The following ZKSCAN5 variants were observed in gnomAD, a reference collection of about 807,000 sequenced individuals.
The protein encoded by ZKSCAN5 is zinc finger protein with KRAB and SCAN domains 5.
A neutral mutation model predicts 60.0 loss-of-function variants in ZKSCAN5; 28 were observed. The ratio of observed to expected loss-of-function variants is 0.47; its 90% CI spans 0.35 to 0.64. ZKSCAN5 has a LOEUF of 0.64. Ranked by LOEUF, ZKSCAN5 falls within the 30% of genes least tolerant of loss-of-function variation. The probability of loss-of-function intolerance (pLI) is 0.01; values close to 1 mark genes in which losing one functional copy is unlikely to be tolerated. For synonymous variants in ZKSCAN5, 361 were observed against 371.2 expected, an observed-to-expected ratio of 0.97 and a Z score of 0.31; for missense variants, 881 against 1,034.6, an observed-to-expected ratio of 0.85 and a Z score of 2.04.
Position 99,506,210 on chromosome 7 carries a change from T to C in ZKSCAN5, c.166T>C (p.Phe56Leu). The change falls in exon 2 of 7, where the codon TTC (phenylalanine) becomes CTC (leucine). Residue 56 changes from phenylalanine to leucine, a missense_variant. Physicochemically the swap from Phe to Leu is conservative, Grantham distance 22 (BLOSUM62 0). Around this residue, in one of 5 missense-constraint regions of ZKSCAN5, gnomAD observed 53 missense variants for 88.7 expected, o/e 0.60. Coordinates refer to ENST00000326775, the MANE Select transcript of ZKSCAN5 (RefSeq NM_145102.4). Reference protein sequence around the residue: ...FETFYQRFRHFQYHEASGPRE... With the variant: ...FETFYQRFRHLQYHEASGPRE... ...GACTTTTTACCAGCGCTTCAGGCACTTCCAGTACCATGAGGCTTCAGGACC... is the reference window on the plus strand; with the variant it reads ...GACTTTTTACCAGCGCTTCAGGCACCTCCAGTACCATGAGGCTTCAGGACC... 1 of 1,614,210 alleles carries C rather than the reference T, an allele frequency of 6.2e-7. No homozygotes were observed. The highest frequency in any genetic ancestry group is 8.5e-7 in the Non-Finnish European group (1 of 1,180,036).
At chr7:99,521,442 C>T (rs1801536416) in intron 5 of ZKSCAN5, among the ~76,000 whole-genome samples, 1 of 152,140 alleles carries the variant, frequency 6.6e-6, no homozygotes. Flanking sequence ...GTGATCTGCC[C>T]AGCTTGGCCT....
chr7:99,514,524 C>G (rs1344319346), intron 3 of ZKSCAN5, among the ~76,000 whole-genome samples: 2 of 152,164 alleles, frequency 1.3e-5, no homozygotes, highest in Admixed American at 6.6e-5. Context: ...GTAATTCCAG[C>G]ATTTTTGGAG....
Position 99,532,573 on chromosome 7 carries a change from TAG to T in ZKSCAN5, c.*325_*326del, listed in dbSNP as rs1241818110. On this transcript the variant is annotated 3_prime_UTR_variant, in exon 7 of 7. Coordinates refer to ENST00000326775, the MANE Select transcript of ZKSCAN5 (RefSeq NM_145102.4). ...TTCACTTGAAACTCAAAACTGACAC[TAG>T]GAACAGCTTCATGAGTTCAGTAGAA... 3 of 225,214 alleles carry T rather than the reference TAG, an allele frequency of 1.3e-5. No homozygotes were observed. The highest frequency in any genetic ancestry group is 2.6e-5 in the Non-Finnish European group (3 of 115,610). The allele number at this position is 225,214 out of a possible 1,614,324, so 14.0% of individuals were successfully genotyped here.
intron 1 of ZKSCAN5, chr7:99,505,772 T>C (rs1800692933): frequency 1.2e-5 from 4 of 332,604 alleles, no homozygotes; most frequent in Admixed American, 8.6e-5. Flanking sequence ...TGGCTCTCTT[T>C]TACACTTTTA....
rs11419307 is a variant in ZKSCAN5 at position 99,520,454 on chromosome 7, A to ATT, written c.772+159_772+160dup. 3,944 of 784,502 alleles carry ATT rather than the reference A, an allele frequency of 5.0e-3. 46 individuals carry two copies. The African/African-American group carries it at 0.052, about 10-fold the overall frequency. 48.6% of individuals were successfully genotyped at this position (784,502 alleles called of 1,614,324 possible). A position where few individuals can be genotyped will look rare whatever the true frequency, so the allele number is the denominator to read the frequency against. The stretch of plus-strand genomic sequence containing the variant: ...TTTGTAAAAGAATAAATCAGCCTTC[A>ATT]TTTTTTTTTTCTTATTCAGTTTATT... On this transcript the variant is annotated intron_variant, in intron 5 of 6. Transcript: ENST00000326775.
chr7:99,508,302 A>G (rs1584164437), intron 2 of ZKSCAN5, among the ~76,000 whole-genome samples: 1 of 151,964 alleles, frequency 6.6e-6, no homozygotes, highest in Non-Finnish European at 1.5e-5. Context: ...CATCTCAAAA[A>G]AAAAAGTACA....
intron 5 of ZKSCAN5, among the ~76,000 whole-genome samples, chr7:99,524,558 A>G (rs74299668): frequency 0.069 from 10,578 of 152,218 alleles, 747 homozygotes; most frequent in East Asian, 0.3. Context: ...TCTGCAAACC[A>G]TATTAAAACA....
intron 3 of ZKSCAN5, among the ~76,000 whole-genome samples, chr7:99,515,917 A>T (rs553864498): frequency 6.6e-6 from 1 of 151,962 alleles, no homozygotes; most frequent in Non-Finnish European, 1.5e-5. Context: ...GATATGGAAT[A>T]ACAGAGCTAG....
At chr7:99,516,254 C>T (rs1801262145) in intron 3 of ZKSCAN5, among the ~76,000 whole-genome samples, 1 of 152,310 alleles carries the variant, frequency 6.6e-6, no homozygotes, top group Non-Finnish European at 1.5e-5. Flanking sequence ...GGCTCTTGTC[C>T]TCTGTTTCTA....
At chr7:99,528,627 C>T (rs1451660158) in intron 6 of ZKSCAN5, among the ~76,000 whole-genome samples, 2 of 152,122 alleles carry the variant, frequency 1.3e-5, no homozygotes, top group Non-Finnish European at 2.9e-5. Context: ...GGGTCTGGCT[C>T]TGTTGCCCAG....
At chr7:99,507,491 GTATA>G (rs1378004256) in intron 2 of ZKSCAN5, among the ~76,000 whole-genome samples, 1 of 142,648 alleles carries the variant, frequency 7.0e-6, no homozygotes, top group Non-Finnish European at 1.5e-5. Flanking sequence ...GTGTATATAT[GTATA>G]TATGTGTATA....
intron 3 of ZKSCAN5, 66 bp downstream of exon 3, chr7:99,512,657 C>T (rs1000500159): frequency 6.4e-6 from 10 of 1,555,482 alleles, no homozygotes; most frequent in Non-Finnish European, 8.7e-6. Context: ...ATGTGGCAGG[C>T]ACTATCTGCG....
chr7:99,507,104 C>G (rs1255656886), intron 2 of ZKSCAN5, among the ~76,000 whole-genome samples: 1 of 152,164 alleles, frequency 6.6e-6, no homozygotes, highest in Non-Finnish European at 1.5e-5. Flanking sequence ...CTGCCTAGTT[C>G]TCACCTGTGT....
At chr7:99,506,917 C>T (rs185172296) in intron 2 of ZKSCAN5, among the ~76,000 whole-genome samples, 1 of 148,528 alleles carries the variant, frequency 6.7e-6, no homozygotes, top group African/African-American at 2.5e-5. Context: ...AGGATGGTCT[C>T]GATCTCCTGA....
At position 99,512,347 on chromosome 7, in the gene ZKSCAN5, A is replaced by G. The variant is rs1801073229; in HGVS notation, c.415-106A>G. On this transcript the variant is annotated intron_variant, in intron 2 of 6. Coordinates refer to ENST00000326775, the MANE Select transcript of ZKSCAN5 (RefSeq NM_145102.4). ...AGTGCGTGGCTCATTGTAGATGCAC[A>G]TTAAATATTTGGCAAAGGAATGAAT... The G allele has an allele frequency of 4.2e-6, 6 of 1,431,096 alleles. No individual in the cohort carries two copies. The Admixed American group carries it at 6.2e-5, about 15-fold the overall frequency. The allele number at this position is 1,431,096 out of a possible 1,614,324, so 88.6% of individuals were successfully genotyped here. A position where few individuals can be genotyped will look rare whatever the true frequency, so the allele number is the denominator to read the frequency against.
chr7:99,525,392 A>G (rs58107558), intron 5 of ZKSCAN5, among the ~76,000 whole-genome samples: 2,576 of 151,902 alleles, frequency 0.017, 76 homozygotes, highest in African/African-American at 0.059. Flanking sequence ...GGATCGCTTG[A>G]GCCCAAGAGG....
Position 99,526,042 on chromosome 7 carries a change from C to T in ZKSCAN5, c.1002C>T (p.Ile334=). ...QKRDLDAITD[I]SPKQSTHGER... is the part of the protein sequence containing the mutation. ...GGGATCTGGATGCAATCACAGACAT[C>T]AGCCCTAAGCAAAGCACACATGGCG... The change falls in exon 6 of 7, where the codon ATC becomes ATT. Residue 334 remains isoleucine (I), a synonymous_variant. Transcript: ENST00000326775. 6.2e-7 allele frequency: 1 copy of T among 1,614,180 alleles called. No individual in the cohort carries two copies. Among genetic ancestry groups the T allele is most frequent in the East Asian group, 2.2e-5 (1 of 44,874 alleles).
In ZKSCAN5 at chr7:99,508,661, A is replaced by AT. The variant is rs1164366064; in HGVS notation, c.414+2204dup. 4.0e-5 allele frequency among the ~76,000 whole-genome samples: 6 copies of AT among 151,144 alleles called. No individual in the cohort carries two copies. In the South Asian group the frequency reaches 1.3e-3, roughly 32 times the overall value. ...CTACTTGGGAGGCTGAGGCAGTAGA[A>AT]TCGCTTGAACTTGGGAGGCAGAGGT... On this transcript the variant is annotated intron_variant, in intron 2 of 6. Transcript: ENST00000326775.
chr7:99,507,451 G>T lies in ZKSCAN5; in HGVS notation c.414+993G>T, dbSNP rs956496961. On this transcript the variant is annotated intron_variant, in intron 2 of 6. Coordinates refer to ENST00000326775, the MANE Select transcript of ZKSCAN5 (RefSeq NM_145102.4). ...ATAATGTATGTGTTTGCGTATATAT[G>T]TATATATATGCGTATATATGTGTAT... 1.1e-4 allele frequency among the ~76,000 whole-genome samples: 16 copies of T among 149,718 alleles called. No individual in the cohort carries two copies. In the East Asian group the frequency reaches 3.1e-3, roughly 29 times the overall value.
Sources: allele counts gnomAD v4.1 joint callset (sites outside exome capture counted in the v4.1 genomes callset), GRCh38; gene constraint gnomAD v4.1.1; regional missense constraint gnomAD v4.1.1; transcripts MANE v1.5; gene names NCBI Gene and HGNC (gene_info 2026-07-23, HGNC 2026-07-21).